The following CRB1 variants were observed in gnomAD, a reference collection of about 807,000 sequenced individuals.
CRB1 encodes the protein crumbs cell polarity complex component 1.
A neutral mutation model predicts 120.0 loss-of-function variants in CRB1; 83 were observed. The ratio of observed to expected loss-of-function variants is 0.69; its 90% confidence interval spans 0.58 to 0.83. The LOEUF (loss-of-function observed/expected upper bound fraction) is 0.83. CRB1 is among the 40% of genes least tolerant of loss of function. CRB1 has a pLI of 0.00. For synonymous variants in CRB1, 625 were observed against 612.5 expected (o/e 1.02, Z -0.30); for missense variants, 1,699 against 1,687.6 (o/e 1.01, Z -0.12).
At chr1:197,449,602 G>A (rs1199512574) in intron 11 of CRB1, among the ~76,000 whole-genome samples, 4 of 152,088 alleles carry the variant, frequency 2.6e-5, no homozygotes, top group African/African-American at 7.2e-5. Flanking sequence ...TCCTGACCTC[G>A]TGATCCGCCC....
At chr1:197,243,191 A>G in the CRB1 span, among the ~76,000 whole-genome samples, 69 of 151,568 alleles carry the variant, frequency 4.6e-4, no homozygotes, top group African/African-American at 1.6e-3. Flanking sequence ...TTCTGCTCTG[A>G]TCTTAGTATT....
In CRB1 at chr1:197,344,305, A is replaced by G. The variant is rs779293247; in HGVS notation, c.677A>G (p.Asp226Gly). Residue 226 changes from aspartate to glycine, a missense_variant, in exon 3 of 12, where the codon GAC becomes GGC. Physicochemically the swap from Asp to Gly is moderately conservative, Grantham distance 94. Transcript: ENST00000367400. ...YSGVNCELEI[D>G]ECWSQPCLNG... Reference sequence around the variant, plus strand: ...GGTGTAAACTGTGAATTGGAAATTGACGAATGTTGGTCCCAGCCTTGTTTA... The same window carrying G: ...GGTGTAAACTGTGAATTGGAAATTGGCGAATGTTGGTCCCAGCCTTGTTTA... 1 of 1,614,158 alleles carries G rather than the reference A, an allele frequency of 6.2e-7. No individual in the cohort carries two copies. Among genetic ancestry groups the G allele is most frequent in the South Asian group, 1.1e-5 (1 of 91,072 alleles).
intron 5 of CRB1, among the ~76,000 whole-genome samples, chr1:197,379,614 A>AAC (rs1459290296): frequency 2.6e-5 from 4 of 151,804 alleles, no homozygotes; most frequent in African/African-American, 9.7e-5. Context: ...CCAAAAAAAA[A>AAC]AAAAAAAAAA....
intron 1 of CRB1, among the ~76,000 whole-genome samples, chr1:197,297,121 A>G (rs377373277): frequency 8.6e-5 from 13 of 151,800 alleles, no homozygotes; most frequent in African/African-American, 2.7e-4. Flanking sequence ...TAGTTTTCCT[A>G]TGACTGGGCC....
chr1:197,289,175 AACAC>A (rs1033601328), intron 1 of CRB1, among the ~76,000 whole-genome samples: 61 of 151,902 alleles, frequency 4.0e-4, no homozygotes, highest in African/African-American at 1.4e-3. Context: ...AAGTACAAGA[AACAC>A]ACACACAAAA....
At chr1:197,335,426 C>T (rs1047201782) in intron 2 of CRB1, among the ~76,000 whole-genome samples, 2 of 152,130 alleles carry the variant, frequency 1.3e-5, no homozygotes, top group African/African-American at 4.8e-5. Context: ...GAGGTTAATA[C>T]AATAGTCCAA....
the CRB1 span, among the ~76,000 whole-genome samples, chr1:197,213,353 A>G: frequency 1.3e-5 from 2 of 152,214 alleles, no homozygotes; most frequent in Non-Finnish European, 2.9e-5. Context: ...TCACAAAAAG[A>G]TATCCTGGCA....
chr1:197,244,790 ACT>A, the CRB1 span, among the ~76,000 whole-genome samples: 2 of 150,772 alleles, frequency 1.3e-5, no homozygotes, highest in South Asian at 2.1e-4. Context: ...TCTTTCAAAG[ACT>A]CTAATCACAC....
chr1:197,268,123 A>G (rs754170940), upstream of CRB1: 3 of 393,776 alleles, frequency 7.6e-6, no homozygotes, highest in Non-Finnish European at 1.4e-5. Flanking sequence ...AACAGAAGAA[A>G]ACTCGCAGCA....
chr1:197,368,123 A>G (rs1013210415), intron 5 of CRB1, among the ~76,000 whole-genome samples: 7 of 152,212 alleles, frequency 4.6e-5, no homozygotes, highest in African/African-American at 1.2e-4. Context: ...GGTACAGTCA[A>G]TATCTCCTGC....
chr1:197,391,875 G>C (rs971463751), intron 5 of CRB1, among the ~76,000 whole-genome samples: 2 of 152,060 alleles, frequency 1.3e-5, no homozygotes, highest in Non-Finnish European at 2.9e-5. Context: ...TCAAGTTCAA[G>C]TCTAGGATAG....
chr1:197,210,170 A>G, the CRB1 span, among the ~76,000 whole-genome samples: 1 of 152,220 alleles, frequency 6.6e-6, no homozygotes, highest in Non-Finnish European at 1.5e-5. Context: ...TACAAAATAA[A>G]ATAGTATTTA....
intron 11 of CRB1, among the ~76,000 whole-genome samples, chr1:197,462,401 T>C (rs554839303): frequency 1.3e-5 from 2 of 152,298 alleles, no homozygotes; most frequent in East Asian, 3.9e-4. Flanking sequence ...TCCTTTAAAA[T>C]GGTTTTGAAA....
the CRB1 span, among the ~76,000 whole-genome samples, chr1:197,235,007 C>T: frequency 5.9e-5 from 9 of 152,206 alleles, no homozygotes; most frequent in African/African-American, 2.2e-4. Context: ...GAAAGTACAA[C>T]TAAGATAGCA....
At chr1:197,406,404 C>T (rs1308788159) in intron 5 of CRB1, among the ~76,000 whole-genome samples, 1 of 152,108 alleles carries the variant, frequency 6.6e-6, no homozygotes, top group Non-Finnish European at 1.5e-5. Flanking sequence ...CATCACCACT[C>T]CTTAATCTCA....
rs1192215131 is a variant in CRB1 at position 197,435,376 on chromosome 1, G to A, written c.3513G>A (p.Gly1171=). ...YHCSCPLGWS[G]KHCELNIDEC... The stretch of plus-strand genomic sequence containing the variant: ...GCTCCTGTCCCTTGGGATGGTCAGG[G>A]AAACACTGTGAACTCAACATCGATG... Residue 1171 remains glycine, a synonymous_variant, in exon 9 of 12, where the codon GGG becomes GGA. Transcript: ENST00000367400. The A allele has an allele frequency of 4.3e-6, 7 of 1,611,128 alleles. No homozygotes were observed. Among genetic ancestry groups the A allele is most frequent in the Non-Finnish European group, 5.9e-6 (7 of 1,178,360 alleles).
the CRB1 span, among the ~76,000 whole-genome samples, chr1:197,249,914 T>C: frequency 1.3e-5 from 2 of 152,004 alleles, no homozygotes; most frequent in Non-Finnish European, 1.5e-5. Flanking sequence ...CTTTCCCCTA[T>C]GTACACACTA....
chr1:197,413,871 A>C (rs1420143252), intron 5 of CRB1: 1 of 455,042 alleles, frequency 2.2e-6, no homozygotes, highest in Non-Finnish European at 4.4e-6. Context: ...ACACTTCTGG[A>C]TATGGTCCAA....
intron 1 of CRB1, among the ~76,000 whole-genome samples, chr1:197,319,432 C>CAAAAAAAAAAAA (rs10646084): frequency 7.4e-5 from 2 of 27,094 alleles, no homozygotes; most frequent in African/African-American, 1.7e-4. Flanking sequence ...GACTCCATCT[C>CAAAAAAAAAAAA]AAAAAAAAAA....
Sources: gnomAD v4.1 joint callset for allele counts (sites outside exome capture counted in the v4.1 genomes callset) on GRCh38, gnomAD v4.1.1 for gene constraint, MANE v1.5 for transcripts, NCBI Gene and HGNC (gene_info 2026-07-23, HGNC 2026-07-21) for gene names.